The following ZC3H3 variants were observed in gnomAD, a reference collection of about 807,000 sequenced individuals.
ZC3H3 encodes zinc finger CCCH-type containing 3.
Under a neutral mutation model 77.3 loss-of-function variants are expected in ZC3H3, and 36 were observed. The observed-to-expected ratio is 0.47, with a 90% CI of 0.36 to 0.61. The LOEUF is 0.61. Ranked by LOEUF, ZC3H3 falls within the 20% of genes least tolerant of loss-of-function variation. ZC3H3 has a pLI of 0.00. For missense variants in ZC3H3, 1,331 were observed against 1,312.2 expected, an observed-to-expected ratio of 1.01 and a Z score of -0.22; for synonymous variants, 626 against 555.2, an observed-to-expected ratio of 1.13 and a Z score of -1.79.
At chr8:143,441,782 T>C (rs1819749067) in intron 9 of ZC3H3, among the ~76,000 whole-genome samples, 1 of 152,130 alleles carries the variant, frequency 6.6e-6, no homozygotes, top group South Asian at 2.1e-4. Flanking sequence ...GCGCCCAGCC[T>C]GCCCTTCCTC....
intron 3 of ZC3H3, among the ~76,000 whole-genome samples, chr8:143,514,983 G>C (rs531496438): frequency 6.6e-6 from 1 of 152,206 alleles, no homozygotes; most frequent in East Asian, 1.9e-4. Flanking sequence ...GCCTGTGCCC[G>C]GCCAGTGCCC....
chr8:143,475,342 C>T, intron 5 of ZC3H3, 56 bp downstream of exon 5: 1 of 1,562,326 alleles, frequency 6.4e-7, no homozygotes, highest in Non-Finnish European at 8.7e-7. Context: ...CTGCAATGCC[C>T]ACCACACGCT....
At chr8:143,491,780 G>A (rs547291836) in intron 4 of ZC3H3, among the ~76,000 whole-genome samples, 21 of 152,328 alleles carry the variant, frequency 1.4e-4, no homozygotes, top group Admixed American at 7.8e-4. Context: ...CTGTGGGGCC[G>A]GGTGCAGGGT....
At position 143,478,015 on chromosome 8, in the gene ZC3H3, G is replaced by A. The variant is rs575840703; in HGVS notation, c.1716-2430C>T. Among the ~76,000 whole-genome samples, 7 of 152,234 alleles carry A rather than the reference G, an allele frequency of 4.6e-5. No individual in the cohort carries two copies. In the South Asian group the frequency reaches 6.2e-4, roughly 14 times the overall value. ...GAGTAGATGGTAAGTCTGCACTCTC[G>A]GGGGAAGCACCCAATCCTGCATGCC... On this transcript the variant is annotated intron_variant, in intron 4 of 11. Transcript: ENST00000262577.
Position 143,520,368 on chromosome 8 carries a change from G to A in ZC3H3, c.1562-12469C>T, listed in dbSNP as rs182795370. Among the ~76,000 whole-genome samples the A allele has an allele frequency of 1.8e-4, 28 of 152,352 alleles. 1 individual carries two copies. In the East Asian group the frequency reaches 4.0e-3, roughly 22 times the overall value. ...CCGGGGCCACTCCAGCCCTGCATGCGGTGAGGGGGCAGCTGGAGGCCACCA... is the reference window on the plus strand; with the variant it reads ...CCGGGGCCACTCCAGCCCTGCATGCAGTGAGGGGGCAGCTGGAGGCCACCA... On this transcript the variant is annotated intron_variant, in intron 3 of 11. Coordinates refer to ENST00000262577, the MANE Select transcript of ZC3H3 (RefSeq NM_015117.3).
chr8:143,482,357 T>A (rs993010665), intron 4 of ZC3H3, among the ~76,000 whole-genome samples: 6 of 152,210 alleles, frequency 3.9e-5, no homozygotes. Context: ...AGACCACTGC[T>A]GCACCCCTGG....
chr8:143,481,629 G>T (rs1563852437), intron 4 of ZC3H3, among the ~76,000 whole-genome samples: 2 of 152,242 alleles, frequency 1.3e-5, no homozygotes, highest in African/African-American at 4.8e-5. Context: ...TCAGACCCTG[G>T]GAGGGAAACT....
rs1334222251 is a variant in ZC3H3, at chr8:143,536,357, G to T, written c.1461C>A (p.Ser487Arg). Residue 487 changes from serine to arginine, a missense_variant, in exon 3 of 12, where the codon AGC (serine) becomes AGA (arginine). Physicochemically the swap from Ser to Arg is moderately radical, Grantham distance 110. Coordinates refer to ENST00000262577, the MANE Select transcript of ZC3H3 (RefSeq NM_015117.3). Reference protein sequence around the residue: ...RRRQALRGKSSPVLKKTPNKG... With the variant: ...RRRQALRGKSRPVLKKTPNKG... ...TGTTGGGGGTCTTCTTCAGGACAGG[G>T]CTGCTCTTCCCCCTGAGGGCCTGTC... is the stretch of plus-strand genomic sequence containing the variant. 2 of 1,604,798 alleles carry T rather than the reference G, an allele frequency of 1.2e-6. No individual in the cohort carries two copies. The highest frequency in any genetic ancestry group is 1.7e-6 in the Non-Finnish European group (2 of 1,176,048).
At chr8:143,515,172 G>A (rs138137654) in intron 3 of ZC3H3, among the ~76,000 whole-genome samples, 2 of 152,356 alleles carry the variant, frequency 1.3e-5, no homozygotes, top group Non-Finnish European at 2.9e-5. Context: ...CGATCCGGAA[G>A]CCCAGCCTCT....
Position 143,462,276 on chromosome 8 carries a change from C to G in ZC3H3, c.2307+3441G>C, listed in dbSNP as rs1425991687. ...AGAGGAGGAAGTAACCGTGCAGGGA[C>G]AAGCGACACCCACAGCTGCCTCTTG... On this transcript the variant is annotated intron_variant, in intron 9 of 11. Transcript: ENST00000262577. The surrounding 1 kb of genome is among the most constrained non-coding windows in gnomAD (Gnocchi z 4.7). 6.6e-6 allele frequency among the ~76,000 whole-genome samples: 1 copy of G among 152,160 alleles called. No homozygotes were observed. Among genetic ancestry groups the G allele is most frequent in the Non-Finnish European group, 1.5e-5 (1 of 68,016 alleles).
At chr8:143,438,182 C>G (rs1025278189) in intron 11 of ZC3H3, 95 bp from the exon 12 acceptor site, 6 of 1,485,960 alleles carry the variant, frequency 4.0e-6, no homozygotes, top group Non-Finnish European at 5.5e-6. Context: ...TCGGGGGGCT[C>G]TGTCAGCCCA....
intron 3 of ZC3H3, among the ~76,000 whole-genome samples, chr8:143,529,947 C>G (rs2130493380): frequency 6.6e-6 from 1 of 152,348 alleles, no homozygotes; most frequent in South Asian, 2.1e-4. Context: ...AGACCCACGC[C>G]TGCCCTTTCT....
chr8:143,519,714 G>A (rs984087513), intron 3 of ZC3H3, among the ~76,000 whole-genome samples: 6 of 152,164 alleles, frequency 3.9e-5, no homozygotes, highest in East Asian at 1.9e-4. Flanking sequence ...TTTCACAGCC[G>A]CAGGCCCCAC....
chr8:143,478,294 G>A (rs1211781076), intron 4 of ZC3H3, among the ~76,000 whole-genome samples: 2 of 152,190 alleles, frequency 1.3e-5, no homozygotes, highest in South Asian at 2.1e-4. Flanking sequence ...GATGGAGGGC[G>A]AGGCCCGGGC....
At chr8:143,445,529 T>TA (rs1027668040) in intron 9 of ZC3H3, among the ~76,000 whole-genome samples, 24 of 149,802 alleles carry the variant, frequency 1.6e-4, no homozygotes, top group South Asian at 4.3e-4. Context: ...TACAAAAGAT[T>TA]AAAAAAAAAC....
At chr8:143,534,177 A>T (rs1822713166) in intron 3 of ZC3H3, among the ~76,000 whole-genome samples, 2 of 151,468 alleles carry the variant, frequency 1.3e-5, no homozygotes, top group Non-Finnish European at 3.0e-5. Flanking sequence ...CCAGCTATTC[A>T]GCAGGGTCAC....
rs748937829 is a variant in ZC3H3, at chr8:143,462,087, G to A, written c.2307+3630C>T. 1.1e-4 allele frequency among the ~76,000 whole-genome samples: 17 copies of A among 151,878 alleles called. No individual in the cohort carries two copies. The highest frequency in any genetic ancestry group is 1.5e-4 in the African/African-American group (6 of 41,348). ...AGTGAGGCCCCACCTCACACAACAC[G>A]CAAATGAAGAACAGCAAACGGCAGC... On this transcript the variant is annotated intron_variant, in intron 9 of 11. Coordinates refer to ENST00000262577, the MANE Select transcript of ZC3H3 (RefSeq NM_015117.3). This position sits in a 1 kb window ranked among gnomAD's most constrained non-coding sequence, Gnocchi z 4.7.
chr8:143,440,387 G>A (rs758111993), intron 10 of ZC3H3, 24 bp from the exon 11 acceptor site: 18 of 1,505,786 alleles, frequency 1.2e-5, no homozygotes, highest in East Asian at 4.6e-5. Flanking sequence ...AGGGGCAGAC[G>A]TGTGAGGTGG....
chr8:143,521,047 C>G (rs1822225538), intron 3 of ZC3H3, among the ~76,000 whole-genome samples: 1 of 152,194 alleles, frequency 6.6e-6, no homozygotes, highest in African/African-American at 2.4e-5. Context: ...CAGCTGCAAA[C>G]AGCTGGCCTG....
Sources: gnomAD v4.1 joint callset for allele counts (sites outside exome capture counted in the v4.1 genomes callset) on GRCh38, gnomAD v4.1.1 for gene constraint, Gnocchi (gnomAD v3.1) non-coding constraint, MANE v1.5 for transcripts, NCBI Gene and HGNC (gene_info 2026-07-23, HGNC 2026-07-21) for gene names.